The following SFXN1 variants were observed in gnomAD, a reference collection of about 807,000 sequenced individuals.
The protein encoded by SFXN1 is sideroflexin-1.
SFXN1 carries 32 observed loss-of-function variants against 39.5 expected under a neutral mutation model. That is an observed-to-expected ratio of 0.81 (90% confidence interval 0.61 to 1.09). The LOEUF (loss-of-function observed/expected upper bound fraction) is 1.09. SFXN1 is among the 50% of genes least tolerant of loss of function. The pLI, the probability that SFXN1 is intolerant of heterozygous loss-of-function variation, is 0.00. For missense variants in SFXN1, 402 were observed against 407.1 expected (o/e 0.99, Z 0.11); for synonymous variants, 136 against 146.5 (o/e 0.93, Z 0.52).
At position 175,492,045 on chromosome 5, in the gene SFXN1, G is replaced by A. The variant is rs899199265; in HGVS notation, c.-9-50G>A. 1.3e-5 allele frequency: 18 copies of A among 1,413,492 alleles called. No homozygotes were observed. In the East Asian group the frequency reaches 1.7e-4, roughly 13 times the overall value. The allele number at this position is 1,413,492 out of a possible 1,614,324, so 87.6% of individuals were successfully genotyped here. On this transcript the variant is annotated intron_variant, in intron 1 of 10. Transcript: ENST00000321442. ...AGGTGACTGTAAAGTTTCTAAATAC[G>A]TAGTGACATTGTAAGCCTTACACGA...
At chr5:175,521,705 C>T (rs1760883777) in intron 8 of SFXN1, among the ~76,000 whole-genome samples, 1 of 152,310 alleles carries the variant, frequency 6.6e-6, no homozygotes, top group Non-Finnish European at 1.5e-5. Context: ...AAAATAGAAG[C>T]CACTTGATCT....
In SFXN1 at chr5:175,507,973, TAA is replaced by T. The variant is rs74722265; in HGVS notation, c.165-1041_165-1040del. The stretch of plus-strand genomic sequence containing the variant: ...GGGTGACAGAGTGAGACCCTGTCTT[TAA>T]AAAAAAAAAAAAAAAAATTCTTCCT... On this transcript the variant is annotated intron_variant, in intron 2 of 10. Coordinates refer to ENST00000321442, the MANE Select transcript of SFXN1 (RefSeq NM_022754.7). Among the ~76,000 whole-genome samples the T allele has an allele frequency of 5.0e-3, 623 of 124,236 alleles. 1 individual carries two copies. Among genetic ancestry groups the T allele is most frequent in the African/African-American group, 7.9e-3 (254 of 32,038 alleles). 81.5% of individuals were successfully genotyped at this position (124,236 alleles called of 152,430 possible).
intron 6 of SFXN1, 112 bp from the exon 7 acceptor site, chr5:175,513,351 C>A (rs528079721): frequency 2.3e-5 from 16 of 682,912 alleles, no homozygotes; most frequent in Admixed American, 5.8e-5. Context: ...AAAAATGACA[C>A]TTGAGTGGGT....
chr5:175,501,861 A>T (rs1189609988), intron 2 of SFXN1, among the ~76,000 whole-genome samples: 1 of 152,232 alleles, frequency 6.6e-6, no homozygotes, highest in African/African-American at 2.4e-5. Flanking sequence ...GAACCGATTT[A>T]TCAAGACGGG....
chr5:175,495,711 A>C (rs1759832041), intron 2 of SFXN1, among the ~76,000 whole-genome samples: 1 of 144,982 alleles, frequency 6.9e-6, no homozygotes. Context: ...CCTGGGCAAC[A>C]GAGCAAGACT....
chr5:175,509,582 AT>A (rs1026758397), intron 3 of SFXN1, among the ~76,000 whole-genome samples: 15 of 151,670 alleles, frequency 9.9e-5, no homozygotes, highest in African/African-American at 3.4e-4. Context: ...AGGAGGTTGA[AT>A]TTTTTTTCTA....
intron 6 of SFXN1, among the ~76,000 whole-genome samples, chr5:175,512,504 A>G (rs1760557323): frequency 6.6e-6 from 1 of 152,172 alleles, no homozygotes; most frequent in South Asian, 2.1e-4. Context: ...GCTTACATTG[A>G]GTTGTGCTTG....
At chr5:175,514,889 A>G (rs2113345649) in intron 7 of SFXN1, among the ~76,000 whole-genome samples, 1 of 152,364 alleles carries the variant, frequency 6.6e-6, no homozygotes, top group South Asian at 2.1e-4. Context: ...TCCAGGGACC[A>G]GCACGTTTGT....
intron 3 of SFXN1, 171 bp downstream of exon 3, chr5:175,509,373 A>G (rs1760432861): frequency 1.8e-6 from 1 of 555,122 alleles, no homozygotes; most frequent in Admixed American, 3.9e-5. Context: ...GAATCAAAAC[A>G]TCATGTTGAA....
At position 175,515,496 on chromosome 5, in the gene SFXN1, T is replaced by C. The variant is rs114197594; in HGVS notation, c.725-1118T>C. Among the ~76,000 whole-genome samples, 824 of 152,320 alleles carry C rather than the reference T, an allele frequency of 5.4e-3. 7 individuals carry two copies. The highest frequency in any genetic ancestry group is 0.018 in the African/African-American group (768 of 41,568). On this transcript the variant is annotated intron_variant, in intron 7 of 10. Coordinates refer to ENST00000321442, the MANE Select transcript of SFXN1 (RefSeq NM_022754.7). Reference sequence around the variant, plus strand: ...AAGAGTAATTGACATATTGAAATAGTGGATATGACAGTTTAGCCTGATAAA... The same window carrying C: ...AAGAGTAATTGACATATTGAAATAGCGGATATGACAGTTTAGCCTGATAAA...
chr5:175,492,031 A>G, intron 1 of SFXN1, 64 bp from the exon 2 acceptor site: 1 of 1,294,132 alleles, frequency 7.7e-7, no homozygotes, highest in Non-Finnish European at 1.1e-6. Context: ...GGTGACTGTA[A>G]AGTTTCTAAA....
intron 10 of SFXN1, 148 bp downstream of exon 10, chr5:175,522,570 G>A: frequency 1.5e-6 from 1 of 660,238 alleles, no homozygotes. Context: ...AAGGGATGGA[G>A]GCAGAAATCA....
intron 4 of SFXN1, among the ~76,000 whole-genome samples, chr5:175,510,695 A>T (rs1760480927): frequency 6.6e-6 from 1 of 152,214 alleles, no homozygotes; most frequent in African/African-American, 2.4e-5. Flanking sequence ...TGTGGAGTCC[A>T]AAAGAAAGCA....
chr5:175,508,352 G>C (rs1189166136), intron 2 of SFXN1, among the ~76,000 whole-genome samples: 1 of 148,920 alleles, frequency 6.7e-6, no homozygotes, highest in Non-Finnish European at 1.5e-5. Context: ...CAGCCTCCCA[G>C]GTAGCTGGGA....
intron 2 of SFXN1, among the ~76,000 whole-genome samples, chr5:175,495,562 CTT>C (rs1278691013): frequency 1.3e-5 from 2 of 152,012 alleles, no homozygotes; most frequent in Non-Finnish European, 2.9e-5. Context: ...AACCCCGTCT[CTT>C]CTAAAAATAC....
intron 2 of SFXN1, among the ~76,000 whole-genome samples, chr5:175,502,500 A>G (rs1313330533): frequency 6.6e-6 from 1 of 152,238 alleles, no homozygotes; most frequent in African/African-American, 2.4e-5. Context: ...TTCCTTAGTT[A>G]TAATTTTGCA....
Position 175,514,675 on chromosome 5 carries a change from G to A in SFXN1, c.724+1085G>A, listed in dbSNP as rs543850888. ...TGTCACTGTGACTGCTCATCAGCAG[G>A]CAAGGAAGAGCAGGCAACAAAAGTT... On this transcript the variant is annotated intron_variant, in intron 7 of 10. Coordinates refer to ENST00000321442, the MANE Select transcript of SFXN1 (RefSeq NM_022754.7). Among the ~76,000 whole-genome samples, 25 of 152,304 alleles carry A rather than the reference G, an allele frequency of 1.6e-4. 1 individual carries two copies. The highest frequency in any genetic ancestry group is 6.0e-4 in the African/African-American group (25 of 41,564).
intron 2 of SFXN1, among the ~76,000 whole-genome samples, chr5:175,507,992 A>AAG (rs879604357): frequency 0.016 from 2,335 of 146,234 alleles, 31 homozygotes; most frequent in Non-Finnish European, 0.026. Context: ...AAAAAAAAAA[A>AAG]TTCTTCCTGA....
chr5:175,489,774 C>T (rs1431574273), intron 1 of SFXN1, among the ~76,000 whole-genome samples: 1 of 152,148 alleles, frequency 6.6e-6, no homozygotes, highest in African/African-American at 2.4e-5. Context: ...AGGTCCAGCA[C>T]AAGGCTGGGC....
Sources: gnomAD v4.1 joint callset for allele counts (sites outside exome capture counted in the v4.1 genomes callset) on GRCh38, gnomAD v4.1.1 for gene constraint, MANE v1.5 for transcripts, NCBI Gene and HGNC (gene_info 2026-07-23, HGNC 2026-07-21) for gene names.